C15orf39: variants seen among roughly 807,000 people sequenced by gnomAD.
The protein encoded by C15orf39 is PRMT2 interacting protein.
A neutral mutation model predicts 53.9 loss-of-function variants in C15orf39; 24 were observed. The observed-to-expected ratio is 0.45, with a 90% confidence interval of 0.32 to 0.63. C15orf39 has a LOEUF of 0.63. C15orf39 is among the 20% of genes least tolerant of loss of function. The pLI is 0.04. For missense variants in C15orf39, 1,271 were observed against 1,347.9 expected (o/e 0.94, Z 0.89); for synonymous variants, 569 against 576.5 (o/e 0.99, Z 0.19).
At position 75,206,960 on chromosome 15, in the gene C15orf39, G is replaced by A. The variant is rs1183450130; in HGVS notation, c.912G>A (p.Leu304=). Residue 304 remains leucine (L), a synonymous_variant, in exon 2 of 3, where the codon CTG becomes CTA. Transcript: ENST00000394987. ...KQGSYSPALP[L]QPLGGHKGTG... is the part of the protein sequence containing the mutation. The stretch of plus-strand genomic sequence containing the variant: ...GCAGCTACAGCCCAGCACTCCCACT[G>A]CAGCCTCTGGGGGGCCACAAGGGGA... The A allele has an allele frequency of 1.3e-6, 2 of 1,567,816 alleles. No individual in the cohort carries two copies. Among genetic ancestry groups the A allele is most frequent in the East Asian group, 2.2e-5 (1 of 44,516 alleles).
At chr15:75,198,895 C>G (rs1186840851), upstream of C15orf39, 1 of 152,232 alleles carries the variant, frequency 6.6e-6, no homozygotes, top group Non-Finnish European at 1.5e-5. Flanking sequence ...AGCTGCCACT[C>G]AGCAACTGCC....
rs146637741 is a variant in C15orf39 at position 75,208,802 on chromosome 15, C to T, written c.2754C>T (p.Arg918=). 6.7e-5 allele frequency: 108 copies of T among 1,603,156 alleles called. 1 individual carries two copies. The African/African-American group carries it at 7.3e-4, about 11-fold the overall frequency. ...CCGACCTTCTCGGCCTGCAGTGGCGCGACTGTGTACGCCGCCAGCTGGGTG... is the reference window on the plus strand; with the variant it reads ...CCGACCTTCTCGGCCTGCAGTGGCGTGACTGTGTACGCCGCCAGCTGGGTG... ...IYPDLLGLQW[R]DCVRRQLGDF... Residue 918 remains arginine (R), a synonymous_variant, in exon 2 of 3, where the codon CGC becomes CGT. Transcript: ENST00000394987.
At position 75,206,314 on chromosome 15, in the gene C15orf39, C is replaced by G. The variant is rs753096366; in HGVS notation, c.266C>G (p.Thr89Ser). 1.2e-6 allele frequency: 2 copies of G among 1,614,094 alleles called. No homozygotes were observed. Among genetic ancestry groups the G allele is most frequent in the South Asian group, 1.1e-5 (1 of 91,088 alleles). ...GPPLQADNLL[T>S]NCLFYRSPAE... ...CCACTTCAGGCAGACAACCTGCTGA[C>G]CAACTGCCTGTTCTACCGCTCGCCA... Residue 89 changes from threonine (T) to serine (S), a missense_variant, in exon 2 of 3, where the codon ACC becomes AGC. This residue lies in a region of C15orf39 where 994 missense variants were observed against 993.7 expected (regional missense o/e 1.00). Transcript: ENST00000394987.
chr15:75,207,191 C>T lies in C15orf39; in HGVS notation c.1143C>T (p.Ala381=). 3.7e-6 allele frequency: 6 copies of T among 1,613,896 alleles called. No individual in the cohort carries two copies. Among genetic ancestry groups the T allele is most frequent in the South Asian group, 2.2e-5 (2 of 91,074 alleles). ...FAPQTLSFPY[A]RDDLSLYGAS... ...CCCAGACACTGAGTTTTCCTTATGC[C>T]CGGGATGACCTCTCTCTCTATGGAG... The change falls in exon 2 of 3, where the codon GCC becomes GCT. Residue 381 remains alanine (A), a synonymous_variant. Transcript: ENST00000394987.
Position 75,208,113 on chromosome 15 carries a change from A to G in C15orf39, c.2065A>G (p.Ile689Val). The G allele has an allele frequency of 6.2e-7, 1 of 1,613,962 alleles. No homozygotes were observed. The highest frequency in any genetic ancestry group is 8.5e-7 in the Non-Finnish European group (1 of 1,179,986). The change falls in exon 2 of 3, where the codon ATT (isoleucine) becomes GTT (valine). Residue 689 changes from isoleucine to valine, a missense_variant. Ile to Val is a conservative substitution (Grantham distance 29, BLOSUM62 3). This residue lies in a region of C15orf39 where 994 missense variants were observed against 993.7 expected (regional missense o/e 1.00). Coordinates refer to ENST00000394987, the MANE Select transcript of C15orf39 (RefSeq NM_015492.5). Reference protein sequence around the residue: ...QPAPTPTSGPIGLRILAQQPL... With the variant: ...QPAPTPTSGPVGLRILAQQPL... ...TGCACCCACCCCCACATCTGGGCCCATTGGACTGCGGATTCTCGCTCAACA... is the reference window on the plus strand; with the variant it reads ...TGCACCCACCCCCACATCTGGGCCCGTTGGACTGCGGATTCTCGCTCAACA...
intron 2 of C15orf39, among the ~76,000 whole-genome samples, chr15:75,210,241 C>A (rs188795608): frequency 6.6e-6 from 1 of 152,178 alleles, no homozygotes; most frequent in African/African-American, 2.4e-5. Flanking sequence ...CCTTGGGGGC[C>A]GTTTTTCTCT....
At position 75,211,970 on chromosome 15, in the gene C15orf39, A is replaced by AGAAG. The variant is rs2141604996; in HGVS notation, c.*856_*859dup. On this transcript the variant is annotated 3_prime_UTR_variant, in exon 3 of 3. Transcript: ENST00000394987. ...GTAGGCTGAGTGGCAGCTCAGTCCT[A>AGAAG]GAAGGTCTCTGAAGATCTGGACTGA... The AGAAG allele has an allele frequency of 6.6e-6, 1 of 152,336 alleles. No individual in the cohort carries two copies. Among genetic ancestry groups the AGAAG allele is most frequent in the South Asian group, 2.1e-4 (1 of 4,828 alleles). The allele number at this position is 152,336 out of a possible 1,614,324, so 9.4% of individuals were successfully genotyped here.
In C15orf39 at chr15:75,206,785, C is replaced by T; in HGVS notation, c.737C>T (p.Pro246Leu). The T allele has an allele frequency of 6.2e-7, 1 of 1,610,766 alleles. No individual in the cohort carries two copies. Among genetic ancestry groups the T allele is most frequent in the Non-Finnish European group, 8.5e-7 (1 of 1,178,530 alleles). Residue 246 changes from proline to leucine, a missense_variant, in exon 2 of 3, where the codon CCC becomes CTC. Transcript: ENST00000394987. The stretch of plus-strand genomic sequence containing the variant: ...TCCAAGCAAGCAATGTCTGAGGGGC[C>T]CTCAAGTCCTTGGACCCAGCTGGCC... ...RNSKQAMSEG[P>L]SSPWTQLAQP...
intron 1 of C15orf39, among the ~76,000 whole-genome samples, chr15:75,205,121 G>A (rs994490360): frequency 2.6e-5 from 4 of 152,194 alleles, no homozygotes; most frequent in African/African-American, 4.8e-5. Flanking sequence ...CTGGAGGCCC[G>A]ACTCTGCCAT....
chr15:75,199,920 C>T (rs2070390827), upstream of C15orf39, among the ~76,000 whole-genome samples: 1 of 152,202 alleles, frequency 6.6e-6, no homozygotes, highest in Admixed American at 6.5e-5. Flanking sequence ...GCTCCCAAGG[C>T]AGTTATCTTG....
rs776002065 is a variant in C15orf39, at chr15:75,206,694, A to G, written c.646A>G (p.Lys216Glu). 9 of 1,613,594 alleles carry G rather than the reference A, an allele frequency of 5.6e-6. No individual in the cohort carries two copies. The African/African-American group carries it at 9.3e-5, about 17-fold the overall frequency. The change falls in exon 2 of 3, where the codon AAA becomes GAA. Residue 216 changes from lysine to glutamate, a missense_variant. Physicochemically the swap from Lys to Glu is moderately conservative, Grantham distance 56. Transcript: ENST00000394987. The part of the protein sequence containing the change: ...SFSPCQPFLE[K>E]YQTIHSTGFL... ...CTCCCCATGCCAGCCCTTCCTGGAG[A>G]AATATCAGACCATCCACAGCACGGG...
upstream of C15orf39, among the ~76,000 whole-genome samples, chr15:75,201,143 C>G (rs1212482586): frequency 6.6e-6 from 1 of 152,154 alleles, no homozygotes; most frequent in East Asian, 1.9e-4. This position sits in a 1 kb window ranked among gnomAD's most constrained non-coding sequence, Gnocchi z 4.7. Context: ...GGGCTCTCAT[C>G]CACAGTCAGA....
chr15:75,211,048 A>G lies in C15orf39; in HGVS notation c.3076A>G (p.Lys1026Glu). Reference protein sequence around the residue: ...NGLALPTWGHKSSRPDQPSPC... With the variant: ...NGLALPTWGHESSRPDQPSPC... ...CCTGGCTCTGCCCACCTGGGGCCAC[A>G]AGTCCTCAAGACCAGACCAGCCCTC... The change falls in exon 3 of 3, where the codon AAG (lysine) becomes GAG (glutamate). Residue 1026 changes from lysine (K) to glutamate (E), a missense_variant. This residue lies in a region of C15orf39 where 277 missense variants were observed against 354.1 expected (regional missense o/e 0.78). Transcript: ENST00000394987. 1.2e-6 allele frequency: 2 copies of G among 1,606,750 alleles called. No homozygotes were observed.
chr15:75,199,128 G>A (rs1298726708), upstream of C15orf39: 1 of 152,234 alleles, frequency 6.6e-6, no homozygotes, highest in East Asian at 1.9e-4. Flanking sequence ...CGATGAGTGA[G>A]CTGACAGCTA....
chr15:75,206,760 T>G lies in C15orf39; in HGVS notation c.712T>G (p.Ser238Ala), dbSNP rs1185024018. Reference sequence around the variant, plus strand: ...GTACACAGGTCCTTACCCTAGGAACTCCAAGCAAGCAATGTCTGAGGGGCC... The same window carrying G: ...GTACACAGGTCCTTACCCTAGGAACGCCAAGCAAGCAATGTCTGAGGGGCC... ...SRYTGPYPRN[S>A]KQAMSEGPSS... is the part of the protein sequence containing the mutation. The change falls in exon 2 of 3, where the codon TCC becomes GCC. Residue 238 changes from serine to alanine, a missense_variant. This residue lies in a region of C15orf39 where 994 missense variants were observed against 993.7 expected (regional missense o/e 1.00). Coordinates refer to ENST00000394987, the MANE Select transcript of C15orf39 (RefSeq NM_015492.5). 1 of 1,612,806 alleles carries G rather than the reference T, an allele frequency of 6.2e-7. No homozygotes were observed. The highest frequency in any genetic ancestry group is 8.5e-7 in the Non-Finnish European group (1 of 1,179,508).
rs1374522164 is a variant in C15orf39, at chr15:75,206,524, G to C, written c.476G>C (p.Trp159Ser). ...GTGAAGAGGCCACTGGATGTTGACT[G>C]GACTCTGGCGACTGGGCCCCTGTTG... ...GAVKRPLDVD[W>S]TLATGPLLPS... is the part of the protein sequence containing the mutation. The change falls in exon 2 of 3, where the codon TGG becomes TCG. Residue 159 changes from tryptophan to serine, a missense_variant. Physicochemically the swap from Trp to Ser is radical, Grantham distance 177. Coordinates refer to ENST00000394987, the MANE Select transcript of C15orf39 (RefSeq NM_015492.5). 15 of 1,613,912 alleles carry C rather than the reference G, an allele frequency of 9.3e-6. No homozygotes were observed. Among genetic ancestry groups the C allele is most frequent in the Non-Finnish European group, 1.3e-5 (15 of 1,179,980 alleles).
At chr15:75,203,732 A>C (rs139195178) in intron 1 of C15orf39, among the ~76,000 whole-genome samples, 2,465 of 152,274 alleles carry the variant, frequency 0.016, 70 homozygotes, top group African/African-American at 0.056. Context: ...AGCAGACCCC[A>C]AGAAGCATGT....
Position 75,211,290 on chromosome 15 carries a change from C to T in C15orf39, c.*174C>T, listed in dbSNP as rs999444498. 2.5e-5 allele frequency: 20 copies of T among 799,434 alleles called. No individual in the cohort carries two copies. The highest frequency in any genetic ancestry group is 1.8e-4 in the Admixed American group (6 of 32,436). The allele number at this position is 799,434 out of a possible 1,614,324, so 49.5% of individuals were successfully genotyped here. A position where few individuals can be genotyped will look rare whatever the true frequency, so the allele number is the denominator to read the frequency against. Reference sequence around the variant, plus strand: ...GGCTGAAGAGCCCCTGAGCTTTTAACGTGAGGGTCTTTATTGGATAGGACT... The same window carrying T: ...GGCTGAAGAGCCCCTGAGCTTTTAATGTGAGGGTCTTTATTGGATAGGACT... On this transcript the variant is annotated 3_prime_UTR_variant, in exon 3 of 3. Coordinates refer to ENST00000394987, the MANE Select transcript of C15orf39 (RefSeq NM_015492.5).
chr15:75,199,874 C>A (rs1173933001), upstream of C15orf39, among the ~76,000 whole-genome samples: 1 of 152,216 alleles, frequency 6.6e-6, no homozygotes, highest in Non-Finnish European at 1.5e-5. Flanking sequence ...AATATCACAT[C>A]TCTGCAAGAC....
Sources: gnomAD v4.1 joint callset for allele counts (sites outside exome capture counted in the v4.1 genomes callset) on GRCh38, gnomAD v4.1.1 for gene constraint, gnomAD v4.1.1 regional missense constraint, Gnocchi (gnomAD v3.1) non-coding constraint, MANE v1.5 for transcripts, NCBI Gene and HGNC (gene_info 2026-07-23, HGNC 2026-07-21) for gene names.